Variants in GTF2I observed in about 807,000 individuals in gnomAD.
GTF2I encodes general transcription factor IIi, also known as general transcription factor II-I.
In GTF2I, 12 loss-of-function variants were observed where a neutral mutation model predicts 67.6. That is an observed-to-expected ratio of 0.18 (90% confidence interval 0.11 to 0.29). GTF2I has a LOEUF of 0.29. GTF2I is among the 10% of genes least tolerant of loss of function. GTF2I has a pLI of 1.00. For synonymous variants in GTF2I, 149 were observed against 197.0 expected, an observed-to-expected ratio of 0.76 and a Z score of 2.04; for missense variants, 271 against 580.1, an observed-to-expected ratio of 0.47 and a Z score of 5.47.
chr7:74,723,040 A>G (rs1040335613), intron 12 of GTF2I, among the ~76,000 whole-genome samples: 1 of 152,098 alleles, frequency 6.6e-6, no homozygotes, highest in Non-Finnish European at 1.5e-5. Flanking sequence ...TGACTGCAGC[A>G]TATAATTAGG....
chr7:74,714,718 TC>T (rs1792036626), intron 9 of GTF2I, 138 bp from the exon 10 acceptor site: 1 of 544,848 alleles, frequency 1.8e-6, no homozygotes. Context: ...ATCTTGTCAG[TC>T]TTTTTTTTTT....
At chr7:74,690,672 TCGTCTG>T (rs2131293247) in intron 2 of GTF2I, among the ~76,000 whole-genome samples, 1 of 152,318 alleles carries the variant, frequency 6.6e-6, no homozygotes, top group East Asian at 1.9e-4. Context: ...GTTCAGTGCT[TCGTCTG>T]TCCAGCCCTG....
At position 74,709,662 on chromosome 7, in the gene GTF2I, TTTTC is replaced by T. The variant is rs1301199669; in HGVS notation, c.686-1358_686-1355del. ...TTTTTTGTTAGCTGTAATGCTGTGATTTTCTTTCTTTCTTTATTTTTTTTTTTTG... is the reference window on the plus strand; with the variant it reads ...TTTTTTGTTAGCTGTAATGCTGTGATTTTCTTTCTTTATTTTTTTTTTTTG... On this transcript the variant is annotated intron_variant, in intron 8 of 34. Coordinates refer to ENST00000573035, the MANE Select transcript of GTF2I (RefSeq NM_032999.4). Among the ~76,000 whole-genome samples the T allele has an allele frequency of 3.9e-5, 6 of 151,936 alleles. No homozygotes were observed. In the East Asian group the frequency reaches 7.7e-4, roughly 20 times the overall value.
intron 4 of GTF2I, 31 bp downstream of exon 4, chr7:74,699,126 G>A (rs587625956): frequency 1.6e-6 from 2 of 1,260,010 alleles, no homozygotes; most frequent in East Asian, 2.7e-5. Context: ...TTTTCTAAAA[G>A]ATACATTATA....
intron 12 of GTF2I, among the ~76,000 whole-genome samples, chr7:74,723,210 G>A (rs372452770): frequency 6.9e-6 from 1 of 145,126 alleles, no homozygotes; most frequent in South Asian, 2.2e-4. Context: ...TGCATCCCCT[G>A]CCTCCCAGGT....
chr7:74,704,554 A>C (rs1376816180), intron 6 of GTF2I, among the ~76,000 whole-genome samples: 2 of 151,984 alleles, frequency 1.3e-5, no homozygotes, highest in Non-Finnish European at 2.9e-5. Context: ...CAGCCTCCCA[A>C]AGTGCTGGGA....
At chr7:74,690,765 G>T (rs1788214817) in intron 2 of GTF2I, among the ~76,000 whole-genome samples, 1 of 152,054 alleles carries the variant, frequency 6.6e-6, no homozygotes, top group Admixed American at 6.6e-5. Context: ...TCTACTACTT[G>T]GAGAATCTGA....
chr7:74,695,367 G>C (rs1437088449), intron 3 of GTF2I, among the ~76,000 whole-genome samples: 1 of 152,188 alleles, frequency 6.6e-6, no homozygotes, highest in Non-Finnish European at 1.5e-5. Context: ...ACTACAGAGA[G>C]ACCTTTCATG....
At chr7:74,685,984 C>T (rs997216045) in intron 1 of GTF2I, among the ~76,000 whole-genome samples, 6 of 151,958 alleles carry the variant, frequency 3.9e-5, no homozygotes, top group African/African-American at 1.5e-4. Flanking sequence ...ACCCGGGAGG[C>T]GGAGCTTGCA....
chr7:74,661,138 C>T (rs965208641), intron 1 of GTF2I, among the ~76,000 whole-genome samples: 1 of 152,092 alleles, frequency 6.6e-6, no homozygotes, highest in African/African-American at 2.4e-5. Flanking sequence ...ACCCCTAAGC[C>T]GAGGTTGTGA....
intron 2 of GTF2I, 82 bp downstream of exon 2, chr7:74,689,309 A>G (rs1374643341): frequency 1.9e-6 from 1 of 516,476 alleles, no homozygotes; most frequent in East Asian, 3.4e-5. Context: ...GGAAGATAGA[A>G]TTTTATGGTT....
chr7:74,695,193 C>T (rs1349176803), intron 3 of GTF2I, among the ~76,000 whole-genome samples: 4 of 151,980 alleles, frequency 2.6e-5, no homozygotes, highest in Admixed American at 1.3e-4. Context: ...TGCAATGGCG[C>T]GATCTCAGCT....
At chr7:74,668,351 GTGTGTA>G (rs1356921373) in intron 1 of GTF2I, among the ~76,000 whole-genome samples, 1 of 95,950 alleles carries the variant, frequency 1.0e-5, no homozygotes, top group Non-Finnish European at 2.2e-5. Context: ...GTGTGTGTGT[GTGTGTA>G]TGTAAGAAGT....
chr7:74,679,510 TATG>T (rs1487156034), intron 1 of GTF2I, among the ~76,000 whole-genome samples: 2 of 152,242 alleles, frequency 1.3e-5, no homozygotes, highest in Non-Finnish European at 2.9e-5. Context: ...TCAGTTCGTT[TATG>T]ATGAGTGGCA....
chr7:74,719,718 A>G (rs1416500870), intron 12 of GTF2I, among the ~76,000 whole-genome samples: 1 of 152,096 alleles, frequency 6.6e-6, no homozygotes, highest in Non-Finnish European at 1.5e-5. Context: ...TCGGGAGCTC[A>G]AGACCAGCCT....
intron 6 of GTF2I, among the ~76,000 whole-genome samples, chr7:74,704,604 T>C (rs782572688): frequency 2.6e-5 from 4 of 152,090 alleles, no homozygotes; most frequent in Non-Finnish European, 5.9e-5. Context: ...AATCTCAGCA[T>C]TTTGGGAGAC....
chr7:74,705,300 T>G (rs1377908377), intron 7 of GTF2I, 82 bp downstream of exon 7: 2 of 831,242 alleles, frequency 2.4e-6, no homozygotes, highest in Non-Finnish European at 4.1e-6. Flanking sequence ...TATCAGAATA[T>G]TAAAAAGGCC....
chr7:74,662,669 C>T (rs904112632), intron 1 of GTF2I, among the ~76,000 whole-genome samples: 1 of 151,096 alleles, frequency 6.6e-6, no homozygotes, highest in African/African-American at 2.4e-5. Flanking sequence ...ATTACAAGCA[C>T]GCACCACCAC....
chr7:74,665,239 G>A (rs1195888625), intron 1 of GTF2I, among the ~76,000 whole-genome samples: 1 of 151,532 alleles, frequency 6.6e-6, no homozygotes, highest in Non-Finnish European at 1.5e-5. Flanking sequence ...AACAGTGCCC[G>A]GCCTATTTTT....
Sources: gnomAD v4.1 joint callset for allele counts (sites outside exome capture counted in the v4.1 genomes callset) on GRCh38, gnomAD v4.1.1 for gene constraint, MANE v1.5 for transcripts, NCBI Gene and HGNC (gene_info 2026-07-23, HGNC 2026-07-21) for gene names.